The following USP46 variants were observed in gnomAD, a reference collection of about 807,000 sequenced individuals.
The protein encoded by USP46 is ubiquitin specific peptidase 46, also known as ubiquitin carboxyl-terminal hydrolase 46.
A neutral mutation model predicts 44.4 loss-of-function variants in USP46; 12 were observed. That is an observed-to-expected ratio of 0.27 (90% CI 0.17 to 0.44). The LOEUF (loss-of-function observed/expected upper bound fraction) is 0.44. Ranked by LOEUF, USP46 falls within the 20% of genes least tolerant of loss-of-function variation. USP46 has a pLI of 1.00. For synonymous variants in USP46, 155 were observed against 161.5 expected, an observed-to-expected ratio of 0.96 and a Z score of 0.31; for missense variants, 248 against 444.8, an observed-to-expected ratio of 0.56 and a Z score of 3.98.
intron 1 of USP46, among the ~76,000 whole-genome samples, chr4:52,642,309 T>C (rs1718373218): frequency 6.6e-6 from 1 of 152,226 alleles, no homozygotes; most frequent in Non-Finnish European, 1.5e-5. Context: ...ATAATAACTC[T>C]ATGAGGCAGA....
rs80099190 is a variant in USP46 at position 52,654,116 on chromosome 4, G to A, written c.36+4999C>T. Among the ~76,000 whole-genome samples, 148 of 152,214 alleles carry A rather than the reference G, an allele frequency of 9.7e-4. 3 individuals are homozygous for A. The East Asian group carries it at 0.024, about 24-fold the overall frequency. On this transcript the variant is annotated intron_variant, in intron 1 of 8. Coordinates refer to ENST00000441222, the MANE Select transcript of USP46 (RefSeq NM_022832.4). ...TCCGCAGAACTAATTGTCAGGTCCC[G>A]ACCTAATATAAACCTCTGCATATGA...
intron 7 of USP46, 51 bp downstream of exon 7, chr4:52,601,793 ATACTTCAGCGAAG>A: frequency 6.5e-7 from 1 of 1,528,068 alleles, no homozygotes; most frequent in African/African-American, 1.4e-5. Context: ...GCAGCTGGGT[ATACTTCAGCGAAG>A]AGGCAACCCT....
At chr4:52,639,843 T>C (rs1021779136) in intron 1 of USP46, among the ~76,000 whole-genome samples, 19 of 150,132 alleles carry the variant, frequency 1.3e-4, no homozygotes, top group Non-Finnish European at 2.5e-4. Flanking sequence ...ACTACAGGCA[T>C]ATGCTACCAT....
rs151195706 is a variant in USP46 at position 52,654,094 on chromosome 4, G to A, written c.36+5021C>T. Among the ~76,000 whole-genome samples the A allele has an allele frequency of 5.4e-3, 820 of 152,188 alleles. 5 individuals carry two copies. The highest frequency in any genetic ancestry group is 8.4e-3 in the Admixed American group (128 of 15,296). ...GAGTCCAAGAAAAACAGAAAAATCC[G>A]CAGAACTAATTGTCAGGTCCCGACC... On this transcript the variant is annotated intron_variant, in intron 1 of 8. Coordinates refer to ENST00000441222, the MANE Select transcript of USP46 (RefSeq NM_022832.4).
chr4:52,598,749 A>G (rs757326314), intron 7 of USP46, 43 bp from the exon 8 acceptor site: 5 of 1,538,962 alleles, frequency 3.2e-6, no homozygotes, highest in South Asian at 1.2e-5. Context: ...GTTAACATTT[A>G]TCTCTTTATA....
At chr4:52,647,202 C>T (rs546916841) in intron 1 of USP46, among the ~76,000 whole-genome samples, 3 of 152,270 alleles carry the variant, frequency 2.0e-5, no homozygotes, top group Admixed American at 1.3e-4. Flanking sequence ...ACACAAACAG[C>T]AAGGGGCAGA....
chr4:52,648,832 A>T (rs917842863), intron 1 of USP46, among the ~76,000 whole-genome samples: 2 of 152,172 alleles, frequency 1.3e-5, no homozygotes, highest in Non-Finnish European at 2.9e-5. Flanking sequence ...AGAGGGACCT[A>T]CCTCTAGTTT....
intron 1 of USP46, among the ~76,000 whole-genome samples, chr4:52,633,073 A>G (rs772481111): frequency 6.6e-6 from 1 of 152,204 alleles, no homozygotes; most frequent in Non-Finnish European, 1.5e-5. Flanking sequence ...TGCTGCTACT[A>G]CTTATTTTGG....
At chr4:52,656,599 G>A in intron 1 of USP46, 1 of 1,273,942 alleles carries the variant, frequency 7.8e-7, no homozygotes, top group Non-Finnish European at 9.9e-7. Flanking sequence ...CAATGAGAAA[G>A]ATGATGTTGA....
At chr4:52,612,881 T>C (rs1367445687) in intron 4 of USP46, among the ~76,000 whole-genome samples, 1 of 152,234 alleles carries the variant, frequency 6.6e-6, no homozygotes, top group Non-Finnish European at 1.5e-5. Flanking sequence ...CTTATCCTTT[T>C]ATATGTTTTA....
At chr4:52,602,876 C>T (rs529954812) in intron 6 of USP46, among the ~76,000 whole-genome samples, 3 of 152,252 alleles carry the variant, frequency 2.0e-5, no homozygotes, top group African/African-American at 7.2e-5. Context: ...ACTAGGTGAC[C>T]ATTAACATTT....
intron 1 of USP46, among the ~76,000 whole-genome samples, chr4:52,644,984 G>A (rs916185569): frequency 1.3e-5 from 2 of 152,116 alleles, no homozygotes; most frequent in Admixed American, 6.5e-5. Flanking sequence ...TTGAACCCAG[G>A]AGGTGGAGGT....
chr4:52,623,619 T>G (rs1486429197), intron 4 of USP46, among the ~76,000 whole-genome samples: 4 of 152,082 alleles, frequency 2.6e-5, no homozygotes, highest in African/African-American at 4.8e-5. Context: ...TAAAATAGAT[T>G]AATTAAATAA....
At chr4:52,620,019 T>G (rs1032378303) in intron 4 of USP46, among the ~76,000 whole-genome samples, 1 of 152,158 alleles carries the variant, frequency 6.6e-6, no homozygotes, top group East Asian at 1.9e-4. Context: ...AAAGCAAGTA[T>G]AAACAGCTGG....
intron 2 of USP46, 51 bp downstream of exon 2, chr4:52,631,013 C>T (rs1577681840): frequency 3.4e-6 from 5 of 1,480,744 alleles, no homozygotes; most frequent in Non-Finnish European, 4.6e-6. Context: ...AGTGGAGTTG[C>T]TTCATATACC....
chr4:52,655,548 G>C (rs921249185), intron 1 of USP46: 2 of 152,108 alleles, frequency 1.3e-5, no homozygotes, highest in African/African-American at 4.8e-5. Flanking sequence ...CTTCAAATAG[G>C]AAACTTAAAA....
At chr4:52,613,325 C>T (rs1159970093) in intron 4 of USP46, among the ~76,000 whole-genome samples, 1 of 152,156 alleles carries the variant, frequency 6.6e-6, no homozygotes, top group African/African-American at 2.4e-5. Flanking sequence ...AAATGGCTGC[C>T]ACCCAAGATT....
At chr4:52,600,556 C>T (rs1258655768) in intron 7 of USP46, among the ~76,000 whole-genome samples, 1 of 152,142 alleles carries the variant, frequency 6.6e-6, no homozygotes, top group East Asian at 1.9e-4. Context: ...CCTTAGAGAA[C>T]CCAACCTCCC....
intron 1 of USP46, among the ~76,000 whole-genome samples, chr4:52,632,017 A>AGGGAAGGGGAAG (rs142747239): frequency 6.9e-6 from 1 of 145,818 alleles, no homozygotes; most frequent in Non-Finnish European, 1.5e-5. Flanking sequence ...AGGGAAGGCA[A>AGGGAAGGGGAAG]GGGAAGGGGA....
Sources: gnomAD v4.1 joint callset for allele counts (sites outside exome capture counted in the v4.1 genomes callset) on GRCh38, gnomAD v4.1.1 for gene constraint, MANE v1.5 for transcripts, NCBI Gene and HGNC (gene_info 2026-07-23, HGNC 2026-07-21) for gene names.